The following MEF2A variants were observed in gnomAD, a reference collection of about 807,000 sequenced individuals.
The protein encoded by MEF2A is myocyte enhancer factor 2A.
MEF2A carries 28 observed loss-of-function variants against 55.8 expected under a neutral mutation model. The ratio of observed to expected loss-of-function variants is 0.50; its 90% confidence interval spans 0.37 to 0.69. MEF2A has a LOEUF of 0.69. Ranked by LOEUF, MEF2A falls within the 30% of genes least tolerant of loss-of-function variation. The probability of loss-of-function intolerance (pLI) is 0.00; values close to 1 mark genes in which losing one functional copy is unlikely to be tolerated. For missense variants in MEF2A, 528 were observed against 626.2 expected (o/e 0.84, Z 1.67); for synonymous variants, 239 against 227.1 (o/e 1.05, Z -0.47).
intron 1 of MEF2A, among the ~76,000 whole-genome samples, chr15:99,577,921 A>G (rs1218661513): frequency 6.6e-6 from 1 of 152,202 alleles, no homozygotes; most frequent in Non-Finnish European, 1.5e-5. Context: ...AAGTAATGGT[A>G]TCATATCAGG....
At chr15:99,699,518 A>G (rs1362919102) in intron 8 of MEF2A, among the ~76,000 whole-genome samples, 2 of 152,244 alleles carry the variant, frequency 1.3e-5, no homozygotes, top group African/African-American at 4.8e-5. Flanking sequence ...CTGTACCTAC[A>G]AAGAGTGACT....
At chr15:99,636,840 C>T (rs1236580642) in intron 3 of MEF2A, among the ~76,000 whole-genome samples, 16 of 151,660 alleles carry the variant, frequency 1.1e-4, no homozygotes. Context: ...ACCTGTTATC[C>T]ATTTGGTGTT....
intron 8 of MEF2A, among the ~76,000 whole-genome samples, chr15:99,703,110 G>T (rs2057608276): frequency 6.6e-6 from 1 of 152,176 alleles, no homozygotes; most frequent in Non-Finnish European, 1.5e-5. Context: ...CAGCATGAGA[G>T]CAGACCAAGT....
At chr15:99,641,022 G>A (rs527525673) in intron 3 of MEF2A, among the ~76,000 whole-genome samples, 1 of 152,066 alleles carries the variant, frequency 6.6e-6, no homozygotes, top group Admixed American at 6.6e-5. Flanking sequence ...GATCTCGCAC[G>A]TATTTGCACT....
At chr15:99,601,672 T>C (rs2153076274) in intron 2 of MEF2A, among the ~76,000 whole-genome samples, 1 of 152,274 alleles carries the variant, frequency 6.6e-6, no homozygotes, top group South Asian at 2.1e-4. Flanking sequence ...CATTCATGTA[T>C]TCTTAGGATA....
intron 8 of MEF2A, among the ~76,000 whole-genome samples, chr15:99,702,863 T>G (rs2057578946): frequency 6.6e-6 from 1 of 152,238 alleles, no homozygotes; most frequent in South Asian, 2.1e-4. Context: ...GTTCCTGTTG[T>G]TTTATAACTG....
intron 8 of MEF2A, among the ~76,000 whole-genome samples, chr15:99,703,014 T>C (rs1454538896): frequency 6.6e-6 from 1 of 152,180 alleles, no homozygotes; most frequent in Non-Finnish European, 1.5e-5. Context: ...AGAGTTGATA[T>C]TCTCACAGTT....
intron 1 of MEF2A, among the ~76,000 whole-genome samples, chr15:99,589,025 C>T (rs1173722076): frequency 6.6e-6 from 1 of 152,100 alleles, no homozygotes; most frequent in African/African-American, 2.4e-5. Context: ...GTTTCTTTTA[C>T]TTGTGGTCCT....
chr15:99,595,806 T>C (rs903732858), intron 1 of MEF2A, among the ~76,000 whole-genome samples: 23 of 152,172 alleles, frequency 1.5e-4, no homozygotes, highest in African/African-American at 5.1e-4. Context: ...GGGAAAGTTA[T>C]TTCCAGGTGG....
Position 99,706,825 on chromosome 15 carries a change from T to C in MEF2A, c.979T>C (p.Tyr327His). 6.2e-7 allele frequency: 1 copy of C among 1,614,082 alleles called. No homozygotes were observed. The highest frequency in any genetic ancestry group is 8.5e-7 in the Non-Finnish European group (1 of 1,179,908). ...AAGCTTGCCTCCGCAAGGACTTGTG[T>C]ACTCAGCAATGCCGACTGCCTACAA... The part of the protein sequence containing the change: ...TPSLPPQGLV[Y>H]SAMPTAYNTD... The change falls in exon 10 of 12, where the codon TAC becomes CAC. Residue 327 changes from tyrosine to histidine, a missense_variant. Tyr to His is a moderately conservative substitution (Grantham distance 83). Transcript: ENST00000557942.
At chr15:99,629,988 C>G (rs2042691359) in intron 2 of MEF2A, among the ~76,000 whole-genome samples, 1 of 148,032 alleles carries the variant, frequency 6.8e-6, no homozygotes, top group Non-Finnish European at 1.5e-5. Flanking sequence ...TTCTCCCTCC[C>G]CCACTCTTGC....
chr15:99,569,265 A>G (rs968478303), intron 1 of MEF2A, among the ~76,000 whole-genome samples: 3 of 152,246 alleles, frequency 2.0e-5, no homozygotes, highest in Non-Finnish European at 4.4e-5. Flanking sequence ...CACTGCGTGA[A>G]GCTTCATGTG....
Position 99,645,752 on chromosome 15 carries a change from G to T in MEF2A, c.246G>T (p.Ser82=). The change falls in exon 4 of 12, where the codon TCG becomes TCT. Residue 82 remains serine, a synonymous_variant. Coordinates refer to ENST00000557942, the MANE Select transcript of MEF2A (RefSeq NM_001319206.4). The part of the protein sequence containing the change: ...YNEPHESRTN[S]DIVETLRKKG... ...AACCTCATGAAAGCAGAACCAACTC[G>T]GATATTGTTGAGGTAACACATATCT... 6.3e-7 allele frequency: 1 copy of T among 1,599,634 alleles called. No individual in the cohort carries two copies. The highest frequency in any genetic ancestry group is 1.1e-5 in the South Asian group (1 of 88,766).
chr15:99,693,144 T>A (rs925565110), intron 8 of MEF2A, among the ~76,000 whole-genome samples: 5 of 152,108 alleles, frequency 3.3e-5, no homozygotes, highest in Non-Finnish European at 7.4e-5. Context: ...TCTAATGAAA[T>A]TAACTCGATT....
chr15:99,674,097 C>A (rs997585371), intron 5 of MEF2A, among the ~76,000 whole-genome samples: 1 of 152,104 alleles, frequency 6.6e-6, no homozygotes, highest in African/African-American at 2.4e-5. Context: ...TATGACAACA[C>A]TACTTGATTA....
At chr15:99,693,600 T>C (rs1474937469) in intron 8 of MEF2A, among the ~76,000 whole-genome samples, 1 of 152,252 alleles carries the variant, frequency 6.6e-6, no homozygotes, top group East Asian at 1.9e-4. Context: ...AGTAACATTA[T>C]TTAATGTGCT....
intron 4 of MEF2A, 137 bp downstream of exon 4, chr15:99,645,901 G>A: frequency 4.9e-6 from 3 of 609,530 alleles, no homozygotes; most frequent in Non-Finnish European, 8.3e-6. Flanking sequence ...TCATTTCTTA[G>A]AAGAGTGATT....
Position 99,715,066 on chromosome 15 carries a change from C to CTT in MEF2A, c.*2297_*2298dup, listed in dbSNP as rs980189957. 152 of 152,276 alleles carry CTT rather than the reference C, an allele frequency of 1.0e-3. No homozygotes were observed. The highest frequency in any genetic ancestry group is 3.5e-3 in the African/African-American group (144 of 41,548). The allele number at this position is 152,276 out of a possible 1,614,324, so 9.4% of individuals were successfully genotyped here. A position where few individuals can be genotyped will look rare whatever the true frequency, so the allele number is the denominator to read the frequency against. On this transcript the variant is annotated 3_prime_UTR_variant, in exon 12 of 12. Transcript: ENST00000557942. ...AGGCTCTTATTCAGAAAGGATTTTT[C>CTT]TTTAAAAATGTACTTACTTTACTGA...
intron 1 of MEF2A, among the ~76,000 whole-genome samples, chr15:99,577,406 C>CGGAATACCAGTGAGT (rs71456927): frequency 6.6e-6 from 1 of 152,118 alleles, no homozygotes; most frequent in Admixed American, 6.5e-5. Flanking sequence ...CTAGGTGCTG[C>CGGAATACCAGTGAGT]AAGGCTTGGC....
Sources: gnomAD v4.1 joint callset for allele counts (sites outside exome capture counted in the v4.1 genomes callset) on GRCh38, gnomAD v4.1.1 for gene constraint, MANE v1.5 for transcripts, NCBI Gene and HGNC (gene_info 2026-07-23, HGNC 2026-07-21) for gene names.